MICB: variants seen among roughly 807,000 people sequenced by gnomAD.
MICB encodes the protein MHC class I polypeptide-related sequence B.
A neutral mutation model predicts 34.3 loss-of-function variants in MICB; 27 were observed. The observed-to-expected ratio is 0.79, with a 90% confidence interval of 0.58 to 1.08. The LOEUF (loss-of-function observed/expected upper bound fraction) is 1.08. MICB is among the 50% of genes least tolerant of loss of function. MICB has a pLI of 0.00. For synonymous variants in MICB, 153 were observed against 187.4 expected (o/e 0.82, Z 1.50); for missense variants, 426 against 483.1 (o/e 0.88, Z 1.11).
At chr6:31,498,088 C>T, upstream of MICB, 2 of 852,222 alleles carry the variant, frequency 2.3e-6, no homozygotes, top group East Asian at 4.7e-5. Flanking sequence ...ACTGGATAAG[C>T]GGTCGCTGAG....
Position 31,510,124 on chromosome 6 carries a change from A to G in MICB, c.*215A>G. The G allele has an allele frequency of 2.2e-6, 1 of 451,868 alleles. No individual in the cohort carries two copies. The highest frequency in any genetic ancestry group is 3.8e-6 in the Non-Finnish European group (1 of 262,778). The allele number at this position is 451,868 out of a possible 1,614,324, so 28.0% of individuals were successfully genotyped here. A position where few individuals can be genotyped will look rare whatever the true frequency, so the allele number is the denominator to read the frequency against. The stretch of plus-strand genomic sequence containing the variant: ...AACTCAACATTCCATTGGAGGCTAT[A>G]TGATCAAACAGCAAATTGTTTATCA... On this transcript the variant is annotated 3_prime_UTR_variant, in exon 6 of 6. Transcript: ENST00000252229.
Position 31,503,986 on chromosome 6 carries a change from T to TGTGTGTGTGTGTGA in MICB, c.71-1630_71-1629insTGTGTGTGTGTGAG, listed in dbSNP as rs1371417972. ...GTGTGTGTGTGTGTGTGTGTGTGTGTGATAATAGCCACCCTGATTGGTTTG... is the reference window on the plus strand; with the variant it reads ...GTGTGTGTGTGTGTGTGTGTGTGTGTGTGTGTGTGTGTGAGATAATAGCCACCCTGATTGGTTTG... On this transcript the variant is annotated intron_variant, in intron 1 of 5. Transcript: ENST00000252229. Among the ~76,000 whole-genome samples the TGTGTGTGTGTGTGA allele has an allele frequency of 8.5e-3, 1,261 of 147,844 alleles. 21 individuals carry two copies. The highest frequency in any genetic ancestry group is 0.028 in the African/African-American group (1,095 of 39,760).
chr6:31,504,254 C>CTTTTTTTTTTTTTTTT (rs9281513), intron 1 of MICB, among the ~76,000 whole-genome samples: 6 of 60,266 alleles, frequency 1.0e-4, no homozygotes, highest in Admixed American at 5.7e-4. Flanking sequence ...CTCTCTTTTT[C>CTTTTTTTTTTTTTTTT]TTTTTTTTTT....
intron 1 of MICB, among the ~76,000 whole-genome samples, chr6:31,499,669 G>A (rs762136404): frequency 2.8e-4 from 42 of 151,918 alleles, no homozygotes; most frequent in Non-Finnish European, 5.6e-4. Flanking sequence ...CTCCAGTGCA[G>A]GTGCCTGCTC....
Position 31,510,067 on chromosome 6 carries a change from C to G in MICB, c.*158C>G. ...TAGGTATGAGGTGTTTGCTGCTCTG[C>G]CACGTAGAGAGCCAGCAAAGGGATC... On this transcript the variant is annotated 3_prime_UTR_variant, in exon 6 of 6. Coordinates refer to ENST00000252229, the MANE Select transcript of MICB (RefSeq NM_005931.5). The G allele has an allele frequency of 1.4e-6, 1 of 725,264 alleles. No individual in the cohort carries two copies. The highest frequency in any genetic ancestry group is 1.9e-5 in the African/African-American group (1 of 53,880). The allele number at this position is 725,264 out of a possible 1,614,324, so 44.9% of individuals were successfully genotyped here.
rs766976414 is a variant in MICB, at chr6:31,507,477, A to G, written c.970A>G (p.Ile324Val). Residue 324 changes from isoleucine (I) to valine (V), a missense_variant, in exon 5 of 6, where the codon ATT (isoleucine) becomes GTT (valine). Transcript: ENST00000252229. The surrounding 1 kb of genome is among the most constrained non-coding windows in gnomAD (Gnocchi z 6.0). ...TGCTATGCCATGTTTTGTTATTATT[A>G]TTATTCTCTGTGTCCCTTGTTGCAA... ...SAAMPCFVIIIILCVPCCKKK... is the reference protein window; with the variant it reads ...SAAMPCFVIIVILCVPCCKKK... The G allele has an allele frequency of 1.7e-5, 27 of 1,613,736 alleles. No homozygotes were observed. Among genetic ancestry groups the G allele is most frequent in the Non-Finnish European group, 2.0e-5 (24 of 1,179,768 alleles).
At chr6:31,498,435 A>G (rs1345157581) in intron 1 of MICB, among the ~76,000 whole-genome samples, 172 bp downstream of exon 1, 1 of 116,416 alleles carries the variant, frequency 8.6e-6, no homozygotes, top group Non-Finnish European at 1.8e-5. Context: ...CTGCTTTCCC[A>G]TCTCCCGTCT....
intron 1 of MICB, among the ~76,000 whole-genome samples, chr6:31,503,949 C>CTGTTTG (rs28751333): frequency 0.019 from 1,825 of 97,578 alleles, 34 homozygotes; most frequent in Non-Finnish European, 0.026. Flanking sequence ...GCCAAACTTG[C>CTGTTTG]TGTGTGTGTG....
chr6:31,505,458 C>G lies in MICB; in HGVS notation c.71-159C>G, dbSNP rs1765249389. The stretch of plus-strand genomic sequence containing the variant: ...CAGCCCCCTCCTCTATCCTCCCACC[C>G]TCACAGTTTTCCTTGTATATGAAAT... On this transcript the variant is annotated intron_variant, in intron 1 of 5. Coordinates refer to ENST00000252229, the MANE Select transcript of MICB (RefSeq NM_005931.5). 2.6e-5 allele frequency among the ~76,000 whole-genome samples: 4 copies of G among 152,312 alleles called. No individual in the cohort carries two copies. The South Asian group carries it at 6.2e-4, about 24-fold the overall frequency.
chr6:31,508,424 G>A (rs1206950079), intron 5 of MICB, among the ~76,000 whole-genome samples: 1 of 152,226 alleles, frequency 6.6e-6, no homozygotes, highest in Non-Finnish European at 1.5e-5. Flanking sequence ...GACAGTGAGA[G>A]GCTGGGGTGT....
intron 1 of MICB, among the ~76,000 whole-genome samples, chr6:31,500,172 C>G (rs2150281006): frequency 6.6e-6 from 1 of 152,058 alleles, no homozygotes; most frequent in Admixed American, 6.5e-5. Flanking sequence ...TTTGCCTGCT[C>G]TTGGGGTGCC....
chr6:31,501,218 A>G (rs1765004429), intron 1 of MICB, among the ~76,000 whole-genome samples: 1 of 152,110 alleles, frequency 6.6e-6, no homozygotes, highest in Non-Finnish European at 1.5e-5. Flanking sequence ...CCTGTTTGCC[A>G]TTTGTATGTC....
upstream of MICB, among the ~76,000 whole-genome samples, chr6:31,495,152 C>G (rs1278874743): frequency 2.0e-5 from 3 of 152,134 alleles, no homozygotes; most frequent in Non-Finnish European, 4.4e-5. Flanking sequence ...GAGCTCAAGA[C>G]CTTCTTGGCC....
At chr6:31,497,864 G>A (rs1293248353), upstream of MICB, among the ~76,000 whole-genome samples, 1 of 152,146 alleles carries the variant, frequency 6.6e-6, no homozygotes, top group African/African-American at 2.4e-5. Flanking sequence ...GGGCGACAGG[G>A]TCCAGGTCGT....
At chr6:31,499,888 T>C (rs1456208865) in intron 1 of MICB, among the ~76,000 whole-genome samples, 1 of 151,732 alleles carries the variant, frequency 6.6e-6, no homozygotes, top group Non-Finnish European at 1.5e-5. Context: ...AAAGTGGGAG[T>C]GCTGGAGCAT....
chr6:31,498,289 G>A (rs1263801918), intron 1 of MICB, 26 bp downstream of exon 1: 2 of 1,527,706 alleles, frequency 1.3e-6, no homozygotes, highest in Non-Finnish European at 1.8e-6. Context: ...GGCGGTCCCC[G>A]GCGGAGCGGG....
intron 1 of MICB, among the ~76,000 whole-genome samples, chr6:31,504,248 CTTTTTCTT>C (rs1765164442): frequency 2.8e-5 from 2 of 71,434 alleles, no homozygotes; most frequent in South Asian, 5.7e-4. Flanking sequence ...TAATCTCTCT[CTTTTTCTT>C]TTTTTTTTTT....
rs1163883630 is a variant in MICB, at chr6:31,509,868, A to C, written c.1111A>C (p.Met371Leu). 3 of 1,613,644 alleles carry C rather than the reference A, an allele frequency of 1.9e-6. No individual in the cohort carries two copies. Among genetic ancestry groups the C allele is most frequent in the Non-Finnish European group, 2.5e-6 (3 of 1,179,726 alleles). Residue 371 changes from methionine to leucine, a missense_variant, in exon 6 of 6, where the codon ATG becomes CTG. Physicochemically the swap from Met to Leu is conservative, Grantham distance 15. Coordinates refer to ENST00000252229, the MANE Select transcript of MICB (RefSeq NM_005931.5). ...DAAQLGFQPL[M>L]SATGSTGSTE... ...AGCACAGCTGGGATTTCAGCCTCTG[A>C]TGTCAGCTACTGGGTCCACTGGTTC... is the stretch of plus-strand genomic sequence containing the variant.
At chr6:31,498,111 G>T (rs1345961836), upstream of MICB, 19 of 1,188,918 alleles carry the variant, frequency 1.6e-5, no homozygotes, top group African/African-American at 2.7e-4. Flanking sequence ...GGGCGCAGGT[G>T]ACTAAATTTC....
Sources: allele counts gnomAD v4.1 joint callset (sites outside exome capture counted in the v4.1 genomes callset), GRCh38; gene constraint gnomAD v4.1.1; non-coding constraint Gnocchi (gnomAD v3.1); transcripts MANE v1.5; gene names NCBI Gene and HGNC (gene_info 2026-07-23, HGNC 2026-07-21).